The following IFT80 variants were observed in gnomAD, a reference collection of about 807,000 sequenced individuals.
IFT80 encodes the protein intraflagellar transport protein 80 homolog.
In IFT80, 79 loss-of-function variants were observed where a neutral mutation model predicts 107.9. That is an observed-to-expected ratio of 0.73 (90% confidence interval 0.61 to 0.88). The LOEUF (loss-of-function observed/expected upper bound fraction) is 0.88, where lower values mean the gene tolerates loss of function less well. IFT80 is among the 40% of genes least tolerant of loss of function. IFT80 has a pLI of 0.00. For synonymous variants in IFT80, 299 were observed against 300.9 expected (o/e 0.99, Z 0.07); for missense variants, 797 against 914.2 (o/e 0.87, Z 1.65).
At chr3:160,311,974 G>C (rs1021438584) in intron 9 of IFT80, among the ~76,000 whole-genome samples, 11 of 152,102 alleles carry the variant, frequency 7.2e-5, no homozygotes, top group African/African-American at 2.2e-4. Context: ...GGAGAGACAG[G>C]GTTTCACCGT....
At chr3:160,339,230 C>A (rs1394677914) in intron 8 of IFT80, among the ~76,000 whole-genome samples, 1 of 152,176 alleles carries the variant, frequency 6.6e-6, no homozygotes, top group Non-Finnish European at 1.5e-5. Flanking sequence ...TATCTTTCCC[C>A]CTCAAGCTAT....
intron 8 of IFT80, among the ~76,000 whole-genome samples, chr3:160,335,590 T>C (rs1188997142): frequency 6.6e-6 from 1 of 152,198 alleles, no homozygotes; most frequent in East Asian, 1.9e-4. Context: ...CACAAACAAA[T>C]GATTATAAAA....
chr3:160,258,471 G>A lies in IFT80; in HGVS notation c.*54C>T. 1 of 1,609,676 alleles carries A rather than the reference G, an allele frequency of 6.2e-7. No individual in the cohort carries two copies. The highest frequency in any genetic ancestry group is 8.5e-7 in the Non-Finnish European group (1 of 1,178,042). On this transcript the variant is annotated 3_prime_UTR_variant, in exon 20 of 20. Transcript: ENST00000326448. ...TAGCAACCAAAACATGCTTACCCTT[G>A]GTTAATCAGAACGTGTTTCAAAAGA...
chr3:160,321,979 A>T, intron 8 of IFT80, among the ~76,000 whole-genome samples: 1 of 151,438 alleles, frequency 6.6e-6, no homozygotes, highest in Non-Finnish European at 1.5e-5. Flanking sequence ...GAGATCTGAC[A>T]GTAGAAAGGG....
chr3:160,283,015 T>A (rs980977520), intron 13 of IFT80, among the ~76,000 whole-genome samples: 2 of 152,080 alleles, frequency 1.3e-5, no homozygotes, highest in East Asian at 1.9e-4. Context: ...GTAAAAAAAA[T>A]TTTGGAAATA....
At chr3:160,275,122 C>T (rs764460228) in intron 18 of IFT80, among the ~76,000 whole-genome samples, 8 of 152,154 alleles carry the variant, frequency 5.3e-5, no homozygotes, top group South Asian at 2.1e-4. Flanking sequence ...GATAACCTAA[C>T]GACATGATAT....
At chr3:160,318,870 A>C (rs1279291869) in intron 9 of IFT80, among the ~76,000 whole-genome samples, 1 of 151,894 alleles carries the variant, frequency 6.6e-6, no homozygotes, top group South Asian at 2.1e-4. Context: ...GGATTTTCTG[A>C]CCTTTTCCTG....
intron 13 of IFT80, among the ~76,000 whole-genome samples, chr3:160,283,654 A>G (rs778382529): frequency 3.9e-5 from 6 of 152,262 alleles, no homozygotes; most frequent in Non-Finnish European, 8.8e-5. Context: ...GATCTTTACA[A>G]TAAAGAATTG....
At chr3:160,349,174 C>A (rs1322528363) in intron 8 of IFT80, among the ~76,000 whole-genome samples, 2 of 152,036 alleles carry the variant, frequency 1.3e-5, no homozygotes, top group Non-Finnish European at 2.9e-5. Context: ...CAGGGCTGGG[C>A]ACCATGGCTC....
At chr3:160,312,764 G>T (rs867626171) in intron 9 of IFT80, among the ~76,000 whole-genome samples, 5 of 27,050 alleles carry the variant, frequency 1.8e-4, no homozygotes, top group African/African-American at 6.2e-4. Flanking sequence ...ATATATAAAT[G>T]TATATTATAT....
chr3:160,265,407 G>A (rs1160656273), intron 19 of IFT80, among the ~76,000 whole-genome samples: 2 of 152,140 alleles, frequency 1.3e-5, no homozygotes, highest in African/African-American at 4.8e-5. Flanking sequence ...CTGCTCATGA[G>A]TTTGATTTCT....
intron 12 of IFT80, among the ~76,000 whole-genome samples, chr3:160,300,293 G>T (rs975972728): frequency 6.6e-6 from 1 of 152,052 alleles, no homozygotes; most frequent in Non-Finnish European, 1.5e-5. Flanking sequence ...AATAATACTT[G>T]CTGGATGAGT....
At chr3:160,374,404 TA>T (rs199559986) in intron 5 of IFT80, among the ~76,000 whole-genome samples, 312 of 112,704 alleles carry the variant, frequency 2.8e-3, no homozygotes, top group Non-Finnish European at 2.6e-3. Context: ...CAAGACCGTC[TA>T]AAAAAAAAAA....
rs574612694 is a variant in IFT80 at position 160,328,962 on chromosome 3, A to T, written c.778-9023T>A. Among the ~76,000 whole-genome samples, 6 of 146,600 alleles carry T rather than the reference A, an allele frequency of 4.1e-5. No homozygotes were observed. The East Asian group carries it at 1.4e-3, about 33-fold the overall frequency. On this transcript the variant is annotated intron_variant, in intron 8 of 19. Coordinates refer to ENST00000326448, the MANE Select transcript of IFT80 (RefSeq NM_020800.3). ...ATAAATGATGAGAATACATGGACAC[A>T]TGGGGGGACAATGCACACTGGGTCC...
intron 12 of IFT80, among the ~76,000 whole-genome samples, chr3:160,291,840 A>C (rs1253913401): frequency 1.3e-5 from 2 of 152,210 alleles, no homozygotes; most frequent in Non-Finnish European, 2.9e-5. Context: ...TTCAAGGTTC[A>C]AAAGGTGATT....
At chr3:160,354,375 C>T (rs1356011309) in intron 8 of IFT80, among the ~76,000 whole-genome samples, 6 of 152,130 alleles carry the variant, frequency 3.9e-5, no homozygotes, top group Non-Finnish European at 7.4e-5. Flanking sequence ...TTGGGCCGGG[C>T]TGGGTGGCTC....
chr3:160,303,447 G>A (rs1237160397), intron 11 of IFT80, among the ~76,000 whole-genome samples: 3 of 152,142 alleles, frequency 2.0e-5, no homozygotes, highest in Non-Finnish European at 4.4e-5. Flanking sequence ...GTAGGCCCAT[G>A]AAACCAAAGA....
At chr3:160,377,611 T>C in intron 3 of IFT80, 71 bp from the exon 4 acceptor site, 2 of 810,934 alleles carry the variant, frequency 2.5e-6, no homozygotes. Flanking sequence ...CTAGACTAAG[T>C]AATAGGCACT....
chr3:160,329,950 G>T (rs1175140464), intron 8 of IFT80, among the ~76,000 whole-genome samples: 1 of 151,922 alleles, frequency 6.6e-6, no homozygotes, highest in Non-Finnish European at 1.5e-5. Flanking sequence ...TCTTTGACCA[G>T]ACTCTCACTT....
Sources: gnomAD v4.1 joint callset for allele counts (sites outside exome capture counted in the v4.1 genomes callset) on GRCh38, gnomAD v4.1.1 for gene constraint, MANE v1.5 for transcripts, NCBI Gene and HGNC (gene_info 2026-07-23, HGNC 2026-07-21) for gene names.